SHISAL1: variants seen among roughly 807,000 people sequenced by gnomAD.
SHISAL1 encodes the protein protein shisa-like-1.
Under a neutral mutation model 22.6 loss-of-function variants are expected in SHISAL1, and 9 were observed. The ratio of observed to expected loss-of-function variants is 0.40; its 90% CI spans 0.24 to 0.70. SHISAL1 has a LOEUF of 0.70. SHISAL1 is among the 30% of genes least tolerant of loss of function. The pLI is 0.39. For missense variants in SHISAL1, 246 were observed against 270.6 expected, an observed-to-expected ratio of 0.91 and a Z score of 0.64; for synonymous variants, 119 against 115.4, an observed-to-expected ratio of 1.03 and a Z score of -0.20.
At chr22:44,286,387 G>A (rs188655121) in intron 3 of SHISAL1, among the ~76,000 whole-genome samples, 3 of 152,220 alleles carry the variant, frequency 2.0e-5, no homozygotes, top group East Asian at 1.9e-4. Context: ...TTTCCCCACC[G>A]AGGGCTGCTC....
intron 4 of SHISAL1, among the ~76,000 whole-genome samples, chr22:44,253,300 G>A (rs899728528): frequency 6.6e-6 from 1 of 151,922 alleles, no homozygotes; most frequent in African/African-American, 2.4e-5. Context: ...TGAGGGTGAA[G>A]GATGAGAGTC....
chr22:44,271,766 A>G (rs2055207119), intron 4 of SHISAL1, among the ~76,000 whole-genome samples: 1 of 152,172 alleles, frequency 6.6e-6, no homozygotes, highest in Non-Finnish European at 1.5e-5. Flanking sequence ...CACCGGCCCA[A>G]CCACACTTCT....
At chr22:44,330,246 C>T in the SHISAL1 span, among the ~76,000 whole-genome samples, 6 of 152,330 alleles carry the variant, frequency 3.9e-5, no homozygotes, top group Admixed American at 2.6e-4. Flanking sequence ...GGCATGGCTG[C>T]CATTCTATCT....
intron 4 of SHISAL1, among the ~76,000 whole-genome samples, chr22:44,251,631 C>T (rs1254964788): frequency 6.6e-6 from 1 of 152,182 alleles, no homozygotes; most frequent in Non-Finnish European, 1.5e-5. Context: ...GAGCAAGTCA[C>T]ATCTTATGTG....
intron 4 of SHISAL1, among the ~76,000 whole-genome samples, chr22:44,253,917 T>C (rs2147268169): frequency 6.6e-6 from 1 of 151,960 alleles, no homozygotes; most frequent in Admixed American, 6.6e-5. Context: ...CAAAAGTGAC[T>C]ATCAGGCCAC....
chr22:44,322,076 C>T, the SHISAL1 span, among the ~76,000 whole-genome samples: 8 of 152,210 alleles, frequency 5.3e-5, no homozygotes, highest in African/African-American at 1.9e-4. Context: ...TTCAGCCTCC[C>T]CAGCAGAAAG....
intron 4 of SHISAL1, among the ~76,000 whole-genome samples, chr22:44,251,662 G>T (rs1184243777): frequency 6.6e-6 from 1 of 152,216 alleles, no homozygotes. Context: ...GGCAAAGAGA[G>T]CGAGCAAGCT....
chr22:44,300,956 G>A lies in SHISAL1; in HGVS notation c.-11C>T, dbSNP rs773678103. 9 of 1,613,684 alleles carry A rather than the reference G, an allele frequency of 5.6e-6. No homozygotes were observed. The highest frequency in any genetic ancestry group is 4.5e-5 in the East Asian group (2 of 44,892). ...GCCACAACTGGTCATCGTCTGGCTT[G>A]CATTGATCCGTCCAGAGCTGCCTGT... On this transcript the variant is annotated 5_prime_UTR_variant, in exon 2 of 5. It introduces an in-frame stop codon into an upstream open reading frame of the 5' UTR. Coordinates refer to ENST00000381176, the MANE Select transcript of SHISAL1 (RefSeq NM_001099294.2).
At chr22:44,323,719 T>C in the SHISAL1 span, among the ~76,000 whole-genome samples, 1 of 152,140 alleles carries the variant, frequency 6.6e-6, no homozygotes, top group Non-Finnish European at 1.5e-5. Flanking sequence ...CAGCAACCTG[T>C]CCAAAGCATG....
intron 1 of SHISAL1, among the ~76,000 whole-genome samples, chr22:44,303,383 T>G (rs1343086615): frequency 6.6e-6 from 1 of 152,056 alleles, no homozygotes; most frequent in African/African-American, 2.4e-5. Flanking sequence ...TGAAGTAGGG[T>G]GGCTCCCTAA....
chr22:44,254,832 C>G lies in SHISAL1; in HGVS notation c.*-5147G>C, dbSNP rs562412017. On this transcript the variant is annotated intron_variant, in intron 4 of 4. Transcript: ENST00000381176. ...TGACAGCTTGGAATGATTCTCTGCA[C>G]TTTTGCTCTCCAGTTTCACTTCTCA... Among the ~76,000 whole-genome samples the G allele has an allele frequency of 8.5e-4, 129 of 152,092 alleles. 1 individual carries two copies. The highest frequency in any genetic ancestry group is 3.4e-3 in the Middle Eastern group (1 of 294).
At chr22:44,292,318 T>C (rs774778639) in intron 3 of SHISAL1, among the ~76,000 whole-genome samples, 8 of 152,174 alleles carry the variant, frequency 5.3e-5, no homozygotes, top group Non-Finnish European at 7.3e-5. Context: ...CTGTCTAGGA[T>C]ACTGGAACAT....
intron 4 of SHISAL1, among the ~76,000 whole-genome samples, chr22:44,253,596 A>ATT (rs71759472): frequency 7.2e-5 from 10 of 138,306 alleles, no homozygotes; most frequent in African/African-American, 2.4e-4. Flanking sequence ...TGTCTGGCTA[A>ATT]TTTTTTTTTT....
Position 44,249,540 on chromosome 22 carries a change from C to T in SHISAL1, c.*145G>A. The T allele has an allele frequency of 3.2e-6, 2 of 629,534 alleles. No individual in the cohort carries two copies. Among genetic ancestry groups the T allele is most frequent in the Non-Finnish European group, 5.9e-6 (2 of 338,374 alleles). The allele number at this position is 629,534 out of a possible 1,614,324, so 39.0% of individuals were successfully genotyped here. Reference sequence around the variant, plus strand: ...AATCTTAGAAGTCCGCGGAAGGGGGCTTTGGGCACAGGCAGCATTTCCTCC... The same window carrying T: ...AATCTTAGAAGTCCGCGGAAGGGGGTTTTGGGCACAGGCAGCATTTCCTCC... On this transcript the variant is annotated 3_prime_UTR_variant, in exon 5 of 5. Coordinates refer to ENST00000381176, the MANE Select transcript of SHISAL1 (RefSeq NM_001099294.2).
rs767030866 is a variant in SHISAL1 at position 44,300,883 on chromosome 22, A to T, written c.63T>A (p.Ser21=). The stretch of plus-strand genomic sequence containing the variant: ...CAGCATCCACGGAGGTTTTACCTGC[A>T]GAAAACAGCAATGAGAAGAGGACGG... ...VLAVLFSLLF[S]AVLSAHFRVC... is the part of the protein sequence containing the mutation. Residue 21 remains serine (S), a synonymous_variant, in exon 2 of 5, where the codon TCT becomes TCA. Coordinates refer to ENST00000381176, the MANE Select transcript of SHISAL1 (RefSeq NM_001099294.2). 6.2e-7 allele frequency: 1 copy of T among 1,613,970 alleles called. No homozygotes were observed. The highest frequency in any genetic ancestry group is 1.7e-5 in the Admixed American group (1 of 60,016).
At chr22:44,251,958 C>T (rs2055050659) in intron 4 of SHISAL1, among the ~76,000 whole-genome samples, 1 of 152,132 alleles carries the variant, frequency 6.6e-6, no homozygotes, top group African/African-American at 2.4e-5. Context: ...TACCACAATT[C>T]ATAAAAAGGA....
chr22:44,282,012 T>C (rs1228154710), intron 4 of SHISAL1, among the ~76,000 whole-genome samples: 2 of 152,100 alleles, frequency 1.3e-5, no homozygotes, highest in Non-Finnish European at 2.9e-5. Context: ...ATTGATGGAG[T>C]GCGTGTCTGT....
intron 4 of SHISAL1, among the ~76,000 whole-genome samples, chr22:44,254,628 C>T (rs2055071956): frequency 6.6e-6 from 1 of 152,194 alleles, no homozygotes; most frequent in African/African-American, 2.4e-5. Context: ...TCCCAAAATG[C>T]TGGAATTACA....
At chr22:44,326,829 C>G in the SHISAL1 span, among the ~76,000 whole-genome samples, 34 of 152,154 alleles carry the variant, frequency 2.2e-4, no homozygotes, top group African/African-American at 7.7e-4. Context: ...CTGTGGATGG[C>G]TAGGCAGGGA....
Sources: gnomAD v4.1 joint callset for allele counts (sites outside exome capture counted in the v4.1 genomes callset) on GRCh38, gnomAD v4.1.1 for gene constraint, MANE v1.5 for transcripts, NCBI Gene and HGNC (gene_info 2026-07-23, HGNC 2026-07-21) for gene names.